Variants in CABYR observed in about 807,000 individuals in gnomAD.
CABYR encodes calcium-binding tyrosine phosphorylation-regulated protein.
CABYR carries 31 observed loss-of-function variants against 36.1 expected under a neutral mutation model. The ratio of observed to expected loss-of-function variants is 0.86; its 90% CI spans 0.64 to 1.16. The LOEUF (loss-of-function observed/expected upper bound fraction) is 1.16. CABYR is among the 50% of genes most tolerant of loss of function. The probability of loss-of-function intolerance (pLI) is 0.00; values close to 1 mark genes in which losing one functional copy is unlikely to be tolerated. For missense variants in CABYR, 429 were observed against 455.8 expected (o/e 0.94, Z 0.53); for synonymous variants, 146 against 160.7 (o/e 0.91, Z 0.69).
chr18:24,158,212 A>G (rs572592438), intron 4 of CABYR, among the ~76,000 whole-genome samples: 1 of 152,210 alleles, frequency 6.6e-6, no homozygotes, highest in Non-Finnish European at 1.5e-5. Flanking sequence ...GAGACAGCTG[A>G]AGACCTGGCT....
rs1230688407 is a variant in CABYR, at chr18:24,155,990, A to G, written c.489A>G (p.Pro163=). 2 of 1,614,084 alleles carry G rather than the reference A, an allele frequency of 1.2e-6. No individual in the cohort carries two copies. The highest frequency in any genetic ancestry group is 2.2e-5 in the East Asian group (1 of 44,894). Residue 163 remains proline, a synonymous_variant, in exon 4 of 6, where the codon CCA becomes CCG. Transcript: ENST00000399496. The part of the protein sequence containing the change: ...PSSPPPTAVS[P]EFAYVPADPA... ...CACCACCTCCAACAGCTGTCTCACC[A>G]GAGTTTGCCTACGTCCCAGCTGACC...
At chr18:24,156,603 T>C (rs2085793467) in intron 4 of CABYR, 4 of 1,614,022 alleles carry the variant, frequency 2.5e-6, no homozygotes, top group African/African-American at 2.7e-5. Context: ...ACTTGCACAG[T>C]TGGAGGAGAA....
chr18:24,160,220 CTTCCTAAA>C (rs2085918627), intron 5 of CABYR, 151 bp downstream of exon 5: 1 of 626,766 alleles, frequency 1.6e-6, no homozygotes, highest in African/African-American at 1.8e-5. Context: ...CTGTCTCCAA[CTTCCTAAA>C]CACCAGTTAC....
chr18:24,146,812 T>C (rs1232781597), intron 3 of CABYR, among the ~76,000 whole-genome samples: 1 of 152,092 alleles, frequency 6.6e-6, no homozygotes, highest in Non-Finnish European at 1.5e-5. Flanking sequence ...AAATAGGTGA[T>C]TTCTTAATAG....
intron 3 of CABYR, chr18:24,150,544 C>A: frequency 2.0e-6 from 2 of 975,782 alleles, no homozygotes; most frequent in Non-Finnish European, 2.4e-6. Flanking sequence ...ATAGATGGTG[C>A]AACTAATGTT....
chr18:24,140,196 G>A (rs1432767134), intron 1 of CABYR: 1 of 151,944 alleles, frequency 6.6e-6, no homozygotes, highest in Non-Finnish European at 1.5e-5. Context: ...CAAAGTGCTG[G>A]GATTACAGGC....
At chr18:24,161,471 C>T (rs753090652) in intron 5 of CABYR, 45 bp from the exon 6 acceptor site, 25 of 777,968 alleles carry the variant, frequency 3.2e-5, no homozygotes, top group Non-Finnish European at 1.4e-5. Context: ...TGTTCGGTTT[C>T]ATGTTTAACT....
chr18:24,160,618 A>ATACT (rs1160738063), intron 5 of CABYR, among the ~76,000 whole-genome samples: 2 of 152,232 alleles, frequency 1.3e-5, no homozygotes, highest in Non-Finnish European at 2.9e-5. Context: ...TTTTTCATTC[A>ATACT]TACTTAATGC....
chr18:24,150,853 C>T (rs1455522146), intron 3 of CABYR, among the ~76,000 whole-genome samples: 2 of 150,016 alleles, frequency 1.3e-5, no homozygotes, highest in African/African-American at 4.9e-5. Context: ...GATCTCAGCT[C>T]ACTGCAAGCT....
intron 4 of CABYR, among the ~76,000 whole-genome samples, chr18:24,157,832 C>T (rs1295045155): frequency 6.6e-6 from 1 of 152,164 alleles, no homozygotes. Flanking sequence ...TGGATAATTG[C>T]AGGGGCCCTT....
intron 3 of CABYR, among the ~76,000 whole-genome samples, chr18:24,146,536 A>T (rs2085462344): frequency 6.7e-6 from 1 of 150,176 alleles, no homozygotes; most frequent in Non-Finnish European, 1.5e-5. Context: ...GTGACAGAGC[A>T]AGACTGTCTA....
rs762768239 is a variant in CABYR at position 24,159,985 on chromosome 18, G to T, written c.1055G>T (p.Cys352Phe). ...AKKSSGSGDK[C>F]APFGSYGIAG... Reference sequence around the variant, plus strand: ...AAAAGTTCAGGATCTGGTGACAAATGTGCTCCCTTTGGAAGTTACGGTATT... The same window carrying T: ...AAAAGTTCAGGATCTGGTGACAAATTTGCTCCCTTTGGAAGTTACGGTATT... The change falls in exon 5 of 6, where the codon TGT (cysteine) becomes TTT (phenylalanine). Residue 352 changes from cysteine (C) to phenylalanine (F), a missense_variant. Physicochemically the swap from Cys to Phe is radical, Grantham distance 205. Transcript: ENST00000399496. 1.2e-6 allele frequency: 2 copies of T among 1,614,056 alleles called. No homozygotes were observed. Among genetic ancestry groups the T allele is most frequent in the South Asian group, 1.1e-5 (1 of 91,084 alleles).
chr18:24,143,095 G>A lies in CABYR; in HGVS notation c.-20G>A. The A allele has an allele frequency of 1.3e-6, 2 of 1,569,998 alleles. No homozygotes were observed. The highest frequency in any genetic ancestry group is 2.7e-5 in the African/African-American group (2 of 72,738). ...AAGACTTTTTCTTCATTCTAGTTGA[G>A]TTACAGACATCCTGCCAAAATGATT... On this transcript the variant is annotated 5_prime_UTR_variant, in exon 2 of 6. Transcript: ENST00000399496.
intron 3 of CABYR, among the ~76,000 whole-genome samples, chr18:24,143,982 C>G (rs2085394989): frequency 6.6e-6 from 1 of 151,992 alleles, no homozygotes; most frequent in African/African-American, 2.4e-5. Flanking sequence ...ACTGCAACCT[C>G]TGCCTCCCGG....
At chr18:24,153,355 AG>A (rs2085687235) in intron 3 of CABYR, among the ~76,000 whole-genome samples, 1 of 152,102 alleles carries the variant, frequency 6.6e-6, no homozygotes. Context: ...TCTTGATAAT[AG>A]GAGCGCTCTC....
intron 3 of CABYR, among the ~76,000 whole-genome samples, chr18:24,154,950 A>ATTATTAG (rs373989961): frequency 4.6e-5 from 7 of 152,308 alleles, no homozygotes; most frequent in African/African-American, 1.7e-4. Flanking sequence ...ATGATCACAC[A>ATTATTAG]TTATTAGCAG....
intron 5 of CABYR, chr18:24,160,962 T>C (rs1228363725): frequency 6.6e-6 from 1 of 152,400 alleles, no homozygotes; most frequent in Non-Finnish European, 1.5e-5. Flanking sequence ...GGAGATTATA[T>C]AAAATGAAGA....
In CABYR at chr18:24,156,472, T is replaced by C. The variant is rs762968120; in HGVS notation, c.541+430T>C. On this transcript the variant is annotated intron_variant, in intron 4 of 5. Coordinates refer to ENST00000399496, the MANE Select transcript of CABYR (RefSeq NM_153769.3). Reference sequence around the variant, plus strand: ...ATAGTTATCCCTTTTACTGATCAAGTTGCTTGTCTTAAAGAAAATGAGCAG... The same window carrying C: ...ATAGTTATCCCTTTTACTGATCAAGCTGCTTGTCTTAAAGAAAATGAGCAG... The C allele has an allele frequency of 6.8e-6, 11 of 1,614,158 alleles. No individual in the cohort carries two copies. The highest frequency in any genetic ancestry group is 1.6e-4 in the Middle Eastern group (1 of 6,062).
intron 3 of CABYR, among the ~76,000 whole-genome samples, chr18:24,148,893 A>G (rs2085528020): frequency 6.6e-6 from 1 of 152,120 alleles, no homozygotes; most frequent in East Asian, 1.9e-4. Context: ...ATTTATTGCA[A>G]AGAGGAAAAA....
Sources: allele counts gnomAD v4.1 joint callset (sites outside exome capture counted in the v4.1 genomes callset), GRCh38; gene constraint gnomAD v4.1.1; transcripts MANE v1.5; gene names NCBI Gene and HGNC (gene_info 2026-07-23, HGNC 2026-07-21).